STYK1: variants seen among roughly 807,000 people sequenced by gnomAD.
STYK1 encodes tyrosine-protein kinase STYK1.
Under a neutral mutation model 48.1 loss-of-function variants are expected in STYK1, and 46 were observed. The ratio of observed to expected loss-of-function variants is 0.96; its 90% CI spans 0.75 to 1.22. The LOEUF is 1.22. Ranked by LOEUF, STYK1 falls within the 50% of genes most tolerant of loss-of-function variation. The probability of loss-of-function intolerance (pLI) is 0.00; values close to 1 mark genes in which losing one functional copy is unlikely to be tolerated. For missense variants in STYK1, 527 were observed against 521.1 expected (o/e 1.01, Z -0.11); for synonymous variants, 188 against 189.0 (o/e 0.99, Z 0.04).
intron 1 of STYK1, among the ~76,000 whole-genome samples, chr12:10,669,256 A>AG (rs926564099): frequency 1.3e-5 from 2 of 152,228 alleles, no homozygotes; most frequent in Non-Finnish European, 1.5e-5. Context: ...TAAAAGTACA[A>AG]GGGGGAATGG....
intron 10 of STYK1, among the ~76,000 whole-genome samples, chr12:10,620,594 G>A (rs1865891926): frequency 6.6e-6 from 1 of 152,000 alleles, no homozygotes; most frequent in African/African-American, 2.4e-5. Flanking sequence ...TCCAAACTAG[G>A]GTATGACAGG....
chr12:10,628,041 C>A (rs1016331420), intron 6 of STYK1, among the ~76,000 whole-genome samples: 5 of 152,208 alleles, frequency 3.3e-5, no homozygotes, highest in African/African-American at 1.2e-4. Context: ...TGTGAGCACA[C>A]ATGTGTTCAT....
chr12:10,630,390 AAAAAAAAAAAG>A (rs1591679269), intron 5 of STYK1, among the ~76,000 whole-genome samples: 2 of 148,928 alleles, frequency 1.3e-5, no homozygotes, highest in Non-Finnish European at 3.0e-5. Context: ...TGTCTCAAAA[AAAAAAAAAAAG>A]AAAAAAGAAA....
chr12:10,669,651 A>C (rs1947871612), intron 1 of STYK1, among the ~76,000 whole-genome samples: 1 of 152,204 alleles, frequency 6.6e-6, no homozygotes, highest in African/African-American at 2.4e-5. Flanking sequence ...CAAACTAAAA[A>C]ATTTCTGCAC....
Position 10,625,205 on chromosome 12 carries a change from T to TG in STYK1, c.718-347_718-346insC, listed in dbSNP as rs1332081841. Among the ~76,000 whole-genome samples the TG allele has an allele frequency of 3.8e-3, 376 of 97,802 alleles. 2 individuals carry two copies. Among genetic ancestry groups the TG allele is most frequent in the East Asian group, 0.027 (64 of 2,344 alleles). 64.2% of individuals were successfully genotyped at this position (97,802 alleles called of 152,430 possible). On this transcript the variant is annotated intron_variant, in intron 7 of 10. Coordinates refer to ENST00000075503, the MANE Select transcript of STYK1 (RefSeq NM_018423.3). Reference sequence around the variant, plus strand: ...GGAGTAGATTCCAAGTTTCTTTCTTTTTTTGTTTGTTTGTTTGTTTGTTTG... The same window carrying TG: ...GGAGTAGATTCCAAGTTTCTTTCTTTGTTTTGTTTGTTTGTTTGTTTGTTTG...
intron 1 of STYK1, among the ~76,000 whole-genome samples, chr12:10,656,442 T>C (rs1282254732): frequency 6.6e-6 from 1 of 152,040 alleles, no homozygotes; most frequent in African/African-American, 2.4e-5. Context: ...CTGGCTAATA[T>C]GGTGAAACCC....
intron 4 of STYK1, 61 bp from the exon 5 acceptor site, chr12:10,631,369 C>A: frequency 1.9e-6 from 3 of 1,577,710 alleles, no homozygotes; most frequent in Admixed American, 1.8e-5. Context: ...GGAAAGCAGA[C>A]CCTGAAACAA....
At chr12:10,644,015 C>T (rs1947573767) in intron 1 of STYK1, among the ~76,000 whole-genome samples, 1 of 151,812 alleles carries the variant, frequency 6.6e-6, no homozygotes, top group African/African-American at 2.4e-5. Context: ...TAAGAAGGAA[C>T]AAATTATTCC....
intron 1 of STYK1, among the ~76,000 whole-genome samples, chr12:10,653,239 A>AT (rs33946697): frequency 1.5e-4 from 23 of 150,636 alleles, no homozygotes; most frequent in Admixed American, 5.9e-4. Flanking sequence ...TGCCCAGCTA[A>AT]TTTTTTTTTG....
chr12:10,670,098 A>T (rs1947876103), intron 1 of STYK1, among the ~76,000 whole-genome samples: 2 of 152,202 alleles, frequency 1.3e-5, no homozygotes, highest in Non-Finnish European at 2.9e-5. Context: ...GTAAACTACT[A>T]TATGATCCAG....
At position 10,634,652 on chromosome 12, in the gene STYK1, A is replaced by G; in HGVS notation, c.-34T>C. 1 of 1,613,910 alleles carries G rather than the reference A, an allele frequency of 6.2e-7. No homozygotes were observed. The highest frequency in any genetic ancestry group is 8.5e-7 in the Non-Finnish European group (1 of 1,179,814). On this transcript the variant is annotated 5_prime_UTR_variant, in exon 3 of 11. Coordinates refer to ENST00000075503, the MANE Select transcript of STYK1 (RefSeq NM_018423.3). ...GGCTGTCCCCTTCCCTGCTAGGCCC[A>G]CAGAGAATGCACACAGCACAGCTGT...
chr12:10,650,181 TA>T (rs1346810784), intron 1 of STYK1, among the ~76,000 whole-genome samples: 1 of 141,782 alleles, frequency 7.1e-6, no homozygotes, highest in Non-Finnish European at 1.5e-5. Context: ...TGTTGCTTGC[TA>T]AAGGCATTAT....
intron 9 of STYK1, 71 bp from the exon 10 acceptor site, chr12:10,622,043 T>A: frequency 4.3e-6 from 6 of 1,396,928 alleles, no homozygotes; most frequent in Middle Eastern, 3.9e-4. Flanking sequence ...CTATTCTTCA[T>A]CCACTTGGGT....
intron 1 of STYK1, among the ~76,000 whole-genome samples, chr12:10,667,859 T>C (rs1947848959): frequency 6.6e-6 from 1 of 152,104 alleles, no homozygotes. Flanking sequence ...GTATTCACAA[T>C]ATGATAGGGC....
Position 10,631,190 on chromosome 12 carries a change from G to A in STYK1, c.306C>T (p.Ala102=), listed in dbSNP as rs542887862. 7.4e-6 allele frequency: 12 copies of A among 1,614,204 alleles called. No individual in the cohort carries two copies. The Admixed American group carries it at 8.3e-5, about 11-fold the overall frequency. Residue 102 remains alanine (A), a synonymous_variant, in exon 5 of 11, where the codon GCC becomes GCT. Coordinates refer to ENST00000075503, the MANE Select transcript of STYK1 (RefSeq NM_018423.3). ...VENFLGATTP[A]LAKLQVPREQ... is the part of the protein sequence containing the mutation. ...CCCGCGGCACCTGCAGCTTAGCCAG[G>A]GCAGGTGTGGTAGCTCCCAGAAAGT...
Position 10,666,521 on chromosome 12 carries a change from G to T in STYK1, c.-195+7445C>A, listed in dbSNP as rs149706384. Among the ~76,000 whole-genome samples the T allele has an allele frequency of 3.6e-4, 55 of 152,286 alleles. No individual in the cohort carries two copies. In the Middle Eastern group the frequency reaches 0.01, roughly 28 times the overall value. ...ACCAATCATTTCAAGGCTTTTTCCA[G>T]AAAGGCACCTGACTTCATATGTGGA... On this transcript the variant is annotated intron_variant, in intron 1 of 10. Transcript: ENST00000075503.
intron 1 of STYK1, among the ~76,000 whole-genome samples, chr12:10,648,865 C>A (rs1012155174): frequency 6.6e-6 from 1 of 152,052 alleles, no homozygotes; most frequent in African/African-American, 2.4e-5. Flanking sequence ...CCACACCCAG[C>A]AGAAAAGAAG....
At chr12:10,632,219 A>G (rs554667456) in intron 4 of STYK1, among the ~76,000 whole-genome samples, 8 of 151,934 alleles carry the variant, frequency 5.3e-5, no homozygotes, top group Non-Finnish European at 1.5e-5. Flanking sequence ...AAACAAAAAA[A>G]GGTGGTGGGG....
intron 2 of STYK1, among the ~76,000 whole-genome samples, chr12:10,636,569 C>T (rs1221201075): frequency 6.6e-6 from 1 of 152,170 alleles, no homozygotes; most frequent in Non-Finnish European, 1.5e-5. Context: ...TTTCAAAAAA[C>T]AGACCTTAAG....
Sources: allele counts gnomAD v4.1 joint callset (sites outside exome capture counted in the v4.1 genomes callset), GRCh38; gene constraint gnomAD v4.1.1; transcripts MANE v1.5; gene names NCBI Gene and HGNC (gene_info 2026-07-23, HGNC 2026-07-21).